CCDC83: variants seen among roughly 807,000 people sequenced by gnomAD.
The protein encoded by CCDC83 is coiled-coil domain-containing protein 83.
CCDC83 carries 54 observed loss-of-function variants against 50.1 expected under a neutral mutation model. The observed-to-expected ratio is 1.08, with a 90% CI of 0.87 to 1.35. CCDC83 has a LOEUF of 1.35. Among genes scored for constraint, CCDC83 ranks in the 40% most tolerant of loss-of-function variants. The probability of loss-of-function intolerance (pLI) is 0.00; values close to 1 mark genes in which losing one functional copy is unlikely to be tolerated. For synonymous variants in CCDC83, 161 were observed against 153.3 expected, an observed-to-expected ratio of 1.05 and a Z score of -0.37; for missense variants, 518 against 473.9, an observed-to-expected ratio of 1.09 and a Z score of -0.86.
chr11:85,901,853 A>G (rs1023978079), intron 7 of CCDC83, among the ~76,000 whole-genome samples: 5 of 148,550 alleles, frequency 3.4e-5, no homozygotes, highest in African/African-American at 1.3e-4. Context: ...ACATAGCAAG[A>G]TCCCGGCTCT....
intron 7 of CCDC83, among the ~76,000 whole-genome samples, chr11:85,907,948 A>G (rs991755652): frequency 2.0e-5 from 3 of 152,162 alleles, no homozygotes; most frequent in Non-Finnish European, 4.4e-5. Context: ...ACAGTGTCTA[A>G]CTATAGTTTT....
chr11:85,873,847 G>A (rs1490757785), intron 3 of CCDC83, among the ~76,000 whole-genome samples: 3 of 152,208 alleles, frequency 2.0e-5, no homozygotes, highest in Non-Finnish European at 4.4e-5. Context: ...AGCAATCAAT[G>A]ATAATTAACA....
chr11:85,909,644 A>G (rs1418305014), intron 7 of CCDC83, among the ~76,000 whole-genome samples: 1 of 65,568 alleles, frequency 1.5e-5, no homozygotes, highest in Non-Finnish European at 2.8e-5. Context: ...TTTTTTTGAG[A>G]CGGAGTCTCG....
intron 6 of CCDC83, among the ~76,000 whole-genome samples, chr11:85,897,339 C>CA (rs1565149468): frequency 6.6e-6 from 1 of 152,212 alleles, no homozygotes; most frequent in African/African-American, 2.4e-5. Context: ...AGGGCTCCTT[C>CA]AGATCACTGC....
intron 1 of CCDC83, among the ~76,000 whole-genome samples, chr11:85,857,505 C>G (rs1280297954): frequency 6.6e-6 from 1 of 152,202 alleles, no homozygotes; most frequent in Non-Finnish European, 1.5e-5. Context: ...TCATCCACAC[C>G]AAGTACCCAC....
chr11:85,900,617 A>G (rs543886798), intron 7 of CCDC83, among the ~76,000 whole-genome samples: 3 of 152,330 alleles, frequency 2.0e-5, no homozygotes. Context: ...ATAGACATCC[A>G]AGGACCACCA....
chr11:85,884,692 A>G lies in CCDC83; in HGVS notation c.344-1508A>G, dbSNP rs1299473617. 2.0e-5 allele frequency among the ~76,000 whole-genome samples: 3 copies of G among 152,192 alleles called. No homozygotes were observed. The East Asian group carries it at 5.8e-4, about 29-fold the overall frequency. On this transcript the variant is annotated intron_variant, in intron 4 of 10. Transcript: ENST00000342404. The stretch of plus-strand genomic sequence containing the variant: ...TCTCTGGGGCGTATGTGTTACTAGA[A>G]GGGAAGGGAAGAAGTTCTAAGAAAG...
intron 7 of CCDC83, among the ~76,000 whole-genome samples, chr11:85,900,033 T>C (rs1463903171): frequency 6.6e-6 from 1 of 152,172 alleles, no homozygotes; most frequent in African/African-American, 2.4e-5. Flanking sequence ...TGAGAGTATG[T>C]TGTTGGATGA....
At chr11:85,864,892 T>C (rs1352147305) in intron 1 of CCDC83, among the ~76,000 whole-genome samples, 1 of 152,150 alleles carries the variant, frequency 6.6e-6, no homozygotes, top group African/African-American at 2.4e-5. Flanking sequence ...ATGCTATACA[T>C]GGGCTAAACA....
intron 7 of CCDC83, among the ~76,000 whole-genome samples, chr11:85,903,583 G>A (rs1336665332): frequency 5.3e-5 from 8 of 152,108 alleles, no homozygotes; most frequent in Admixed American, 2.0e-4. Flanking sequence ...TATTACAGGC[G>A]TGAGCCACCA....
intron 5 of CCDC83, among the ~76,000 whole-genome samples, chr11:85,887,801 C>CTTT: frequency 9.1e-6 from 1 of 109,388 alleles, no homozygotes; most frequent in African/African-American, 3.6e-5. Context: ...TTTTATTGTA[C>CTTT]CTTTTTTTTT....
At chr11:85,896,853 A>G (rs752569166) in intron 6 of CCDC83, among the ~76,000 whole-genome samples, 5 of 151,950 alleles carry the variant, frequency 3.3e-5, no homozygotes, top group Non-Finnish European at 5.9e-5. Context: ...CATCTGGGAC[A>G]TTTCTGTCTC....
chr11:85,863,463 T>C lies in CCDC83; in HGVS notation c.-28-1633T>C, dbSNP rs940321688. On this transcript the variant is annotated intron_variant, in intron 1 of 10. Coordinates refer to ENST00000342404, the MANE Select transcript of CCDC83 (RefSeq NM_001286159.2). ...TTAATGTACTAATGTATTAGATCTT[T>C]TTGTTGTGTCATCTGTGTGCTTTTC... 5.3e-5 allele frequency among the ~76,000 whole-genome samples: 8 copies of C among 152,332 alleles called. No individual in the cohort carries two copies. The East Asian group carries it at 1.5e-3, about 29-fold the overall frequency.
chr11:85,912,829 C>A, intron 8 of CCDC83: 1 of 816,240 alleles, frequency 1.2e-6, no homozygotes. Flanking sequence ...GAGATACCCT[C>A]TAAACTGCCA....
chr11:85,870,222 A>G (rs2093229336), intron 2 of CCDC83, among the ~76,000 whole-genome samples: 1 of 152,222 alleles, frequency 6.6e-6, no homozygotes, highest in Non-Finnish European at 1.5e-5. Context: ...GGGGCTGCAC[A>G]TGGTCTCCAG....
intron 1 of CCDC83, among the ~76,000 whole-genome samples, chr11:85,863,310 A>C (rs1473305518): frequency 6.6e-6 from 1 of 152,258 alleles, no homozygotes; most frequent in Non-Finnish European, 1.5e-5. Flanking sequence ...TCAACTCTGC[A>C]TCTGAAACAA....
chr11:85,900,585 C>T (rs2093396767), intron 7 of CCDC83, among the ~76,000 whole-genome samples: 1 of 152,064 alleles, frequency 6.6e-6, no homozygotes, highest in Non-Finnish European at 1.5e-5. Flanking sequence ...CATGCCACTC[C>T]CCAGACTTTT....
At chr11:85,904,869 T>C (rs1422127003) in intron 7 of CCDC83, among the ~76,000 whole-genome samples, 1 of 152,250 alleles carries the variant, frequency 6.6e-6, no homozygotes, top group Non-Finnish European at 1.5e-5. Flanking sequence ...ACAAGGAATT[T>C]AAACATTCAT....
rs965153238 is a variant in CCDC83 at position 85,919,456 on chromosome 11, T to G, written c.1188T>G (p.Asp396Glu). ...AAATTCCAGTCAAACTCTATAAAGA[T>G]GTCAGGAGCCCAGAAAGCCACATCA... is the stretch of plus-strand genomic sequence containing the variant. Reference protein sequence around the residue: ...EKEIPVKLYKDVRSPESHITY... With the variant: ...EKEIPVKLYKEVRSPESHITY... The change falls in exon 11 of 11, where the codon GAT (aspartate) becomes GAG (glutamate). Residue 396 changes from aspartate (D) to glutamate (E), a missense_variant. Asp to Glu is a conservative substitution (Grantham distance 45, BLOSUM62 2). Coordinates refer to ENST00000342404, the MANE Select transcript of CCDC83 (RefSeq NM_001286159.2). 1 of 1,612,682 alleles carries G rather than the reference T, an allele frequency of 6.2e-7. No individual in the cohort carries two copies. The highest frequency in any genetic ancestry group is 1.3e-5 in the African/African-American group (1 of 74,834).
Sources: allele counts gnomAD v4.1 joint callset (sites outside exome capture counted in the v4.1 genomes callset), GRCh38; gene constraint gnomAD v4.1.1; transcripts MANE v1.5; gene names NCBI Gene and HGNC (gene_info 2026-07-23, HGNC 2026-07-21).